MARCHF11: variants seen among roughly 807,000 people sequenced by gnomAD.
MARCHF11 encodes E3 ubiquitin-protein ligase MARCHF11.
MARCHF11 carries 29 observed loss-of-function variants against 37.3 expected under a neutral mutation model. The ratio of observed to expected loss-of-function variants is 0.78; its 90% CI spans 0.58 to 1.06. The LOEUF is 1.06. Among genes scored for constraint, MARCHF11 ranks in the 50% least tolerant of loss-of-function variants. The probability of loss-of-function intolerance (pLI) is 0.00; values close to 1 mark genes in which losing one functional copy is unlikely to be tolerated. For missense variants in MARCHF11, 482 were observed against 533.4 expected (o/e 0.90, Z 0.95); for synonymous variants, 233 against 228.0 (o/e 1.02, Z -0.20).
intron 2 of MARCHF11, among the ~76,000 whole-genome samples, chr5:16,104,815 T>C (rs921511043): frequency 1.3e-5 from 2 of 152,224 alleles, no homozygotes; most frequent in Non-Finnish European, 2.9e-5. Flanking sequence ...TTACTCCATC[T>C]CTTTGCTGTA....
At position 16,168,810 on chromosome 5, in the gene MARCHF11, T is replaced by C. The variant is rs1026036581; in HGVS notation, c.693+8916A>G. Among the ~76,000 whole-genome samples the C allele has an allele frequency of 2.6e-5, 4 of 152,150 alleles. No individual in the cohort carries two copies. In the South Asian group the frequency reaches 8.3e-4, roughly 31 times the overall value. ...ATTTACTGAATGCTCAATACAGGCC[T>C]GGCAAATCCTCTGTTCTTGACTACT... On this transcript the variant is annotated intron_variant, in intron 2 of 3. Coordinates refer to ENST00000332432, the MANE Select transcript of MARCHF11 (RefSeq NM_001102562.3).
chr5:16,067,323 T>A lies in MARCHF11; in HGVS notation c.*148A>T. Reference sequence around the variant, plus strand: ...AAGAGGACTCTTTTTCTCAGAAAAATGTATTTGCAATTCAAATGTTCATAT... The same window carrying A: ...AAGAGGACTCTTTTTCTCAGAAAAAAGTATTTGCAATTCAAATGTTCATAT... On this transcript the variant is annotated 3_prime_UTR_variant, in exon 4 of 4. Transcript: ENST00000332432. 1.5e-6 allele frequency: 1 copy of A among 684,190 alleles called. No individual in the cohort carries two copies. 42.4% of individuals were successfully genotyped at this position (684,190 alleles called of 1,614,324 possible).
At position 16,095,340 on chromosome 5, in the gene MARCHF11, C is replaced by T. The variant is rs550262055; in HGVS notation, c.694-4259G>A. Among the ~76,000 whole-genome samples the T allele has an allele frequency of 1.2e-4, 18 of 152,166 alleles. No individual in the cohort carries two copies. The South Asian group carries it at 3.5e-3, about 30-fold the overall frequency. On this transcript the variant is annotated intron_variant, in intron 2 of 3. Coordinates refer to ENST00000332432, the MANE Select transcript of MARCHF11 (RefSeq NM_001102562.3). Reference sequence around the variant, plus strand: ...GCTAAATGTTTGCAAGGGGAGCTGCCCCTCTAAGCTTCAGCGAGGAGGGCT... The same window carrying T: ...GCTAAATGTTTGCAAGGGGAGCTGCTCCTCTAAGCTTCAGCGAGGAGGGCT...
intron 2 of MARCHF11, among the ~76,000 whole-genome samples, chr5:16,127,572 T>G (rs1737432597): frequency 1.3e-5 from 2 of 152,214 alleles, no homozygotes. Context: ...AGTAGAAGTT[T>G]ATTTGTAGCT....
In MARCHF11 at chr5:16,179,023, T is replaced by C. The variant is rs1441835589; in HGVS notation, c.537+16A>G. Reference sequence around the variant, plus strand: ...GGAGCCGCCACCGGCTGCCTCGGGGTCTCGCCGGGCCTTACCTGCTCCGCG... The same window carrying C: ...GGAGCCGCCACCGGCTGCCTCGGGGCCTCGCCGGGCCTTACCTGCTCCGCG... On this transcript the variant is annotated intron_variant, in intron 1 of 3. Transcript: ENST00000332432. 8 of 1,430,580 alleles carry C rather than the reference T, an allele frequency of 5.6e-6. No homozygotes were observed. The highest frequency in any genetic ancestry group is 5.5e-5 in the Admixed American group (2 of 36,296). The allele number at this position is 1,430,580 out of a possible 1,614,324, so 88.6% of individuals were successfully genotyped here. A position where few individuals can be genotyped will look rare whatever the true frequency, so the allele number is the denominator to read the frequency against.
At chr5:16,114,997 T>G (rs1033573377) in intron 2 of MARCHF11, among the ~76,000 whole-genome samples, 1 of 152,170 alleles carries the variant, frequency 6.6e-6, no homozygotes, top group Non-Finnish European at 1.5e-5. Context: ...AGCATTTAAC[T>G]GCACATCGTG....
chr5:16,106,499 G>C (rs961361832), intron 2 of MARCHF11, among the ~76,000 whole-genome samples: 2 of 152,204 alleles, frequency 1.3e-5, no homozygotes, highest in Non-Finnish European at 2.9e-5. Flanking sequence ...CAGAACACAA[G>C]ACACATTGGG....
At chr5:16,140,599 T>A (rs564250262) in intron 2 of MARCHF11, among the ~76,000 whole-genome samples, 1 of 152,288 alleles carries the variant, frequency 6.6e-6, no homozygotes, top group East Asian at 1.9e-4. Flanking sequence ...GTTTTGAACC[T>A]TTCTATGAAA....
chr5:16,125,902 CA>C (rs1046720965), intron 2 of MARCHF11, among the ~76,000 whole-genome samples: 2 of 152,136 alleles, frequency 1.3e-5, no homozygotes, highest in Non-Finnish European at 2.9e-5. Context: ...AAAGGCACAG[CA>C]AAGAAGTGTT....
At chr5:16,092,554 G>T (rs758399002) in intron 2 of MARCHF11, among the ~76,000 whole-genome samples, 1 of 152,084 alleles carries the variant, frequency 6.6e-6, no homozygotes, top group Non-Finnish European at 1.5e-5. Flanking sequence ...ATGGACACAG[G>T]GAGGGGAACA....
chr5:16,154,537 T>C (rs1266392136), intron 2 of MARCHF11, among the ~76,000 whole-genome samples: 1 of 151,762 alleles, frequency 6.6e-6, no homozygotes, highest in African/African-American at 2.4e-5. Flanking sequence ...TTCATGTCTA[T>C]CTCCCAATTA....
rs956121374 is a variant in MARCHF11 at position 16,179,752 on chromosome 5, G to T, written c.-177C>A. On this transcript the variant is annotated 5_prime_UTR_variant, in exon 1 of 4. Coordinates refer to ENST00000332432, the MANE Select transcript of MARCHF11 (RefSeq NM_001102562.3). ...CGGAAGGTTCTGCAGCTGCGGCGGC[G>T]GCAGGCGCGGCCGTTCGGTGGAGCC... 2 of 314,542 alleles carry T rather than the reference G, an allele frequency of 6.4e-6. No homozygotes were observed. The highest frequency in any genetic ancestry group is 2.3e-5 in the African/African-American group (1 of 44,290). 19.5% of individuals were successfully genotyped at this position (314,542 alleles called of 1,614,324 possible). A position where few individuals can be genotyped will look rare whatever the true frequency, so the allele number is the denominator to read the frequency against.
At chr5:16,172,191 T>A (rs1031376569) in intron 2 of MARCHF11, among the ~76,000 whole-genome samples, 3 of 152,190 alleles carry the variant, frequency 2.0e-5, no homozygotes, top group African/African-American at 7.2e-5. Flanking sequence ...TATAGTAGTA[T>A]ACAAAGTAAA....
At chr5:16,152,234 C>CCTGCT (rs1466879567) in intron 2 of MARCHF11, among the ~76,000 whole-genome samples, 2 of 151,822 alleles carry the variant, frequency 1.3e-5, no homozygotes, top group African/African-American at 4.8e-5. Flanking sequence ...ATGATATAAA[C>CCTGCT]CAGACAGTTT....
intron 2 of MARCHF11, among the ~76,000 whole-genome samples, chr5:16,106,371 T>C (rs1287247349): frequency 6.6e-6 from 1 of 152,230 alleles, no homozygotes; most frequent in Non-Finnish European, 1.5e-5. Flanking sequence ...ATTTTCTCCC[T>C]GTAAATCCTG....
chr5:16,112,879 T>C (rs1737169843), intron 2 of MARCHF11, among the ~76,000 whole-genome samples: 1 of 152,146 alleles, frequency 6.6e-6, no homozygotes, highest in Admixed American at 6.5e-5. Flanking sequence ...CTAAGTCTCA[T>C]GGGAGCCGAT....
chr5:16,124,798 C>T (rs980003317), intron 2 of MARCHF11, among the ~76,000 whole-genome samples: 1 of 143,848 alleles, frequency 7.0e-6, no homozygotes, highest in African/African-American at 2.4e-5. Context: ...CAATTAAAAC[C>T]TCAAGATAAA....
At chr5:16,107,776 C>T (rs1024776478) in intron 2 of MARCHF11, among the ~76,000 whole-genome samples, 9 of 151,942 alleles carry the variant, frequency 5.9e-5, no homozygotes, top group African/African-American at 2.2e-4. Flanking sequence ...AGACAAATGG[C>T]AGAATGGCGT....
chr5:16,144,530 C>A (rs1355901550), intron 2 of MARCHF11, among the ~76,000 whole-genome samples: 1 of 152,164 alleles, frequency 6.6e-6, no homozygotes, highest in African/African-American at 2.4e-5. Flanking sequence ...TATCCCATCA[C>A]CCTCCCTCTT....
Sources: allele counts gnomAD v4.1 joint callset (sites outside exome capture counted in the v4.1 genomes callset), GRCh38; gene constraint gnomAD v4.1.1; transcripts MANE v1.5; gene names NCBI Gene and HGNC (gene_info 2026-07-23, HGNC 2026-07-21).